RUNX1: variants seen among roughly 807,000 people sequenced by gnomAD.
RUNX1 encodes RUNX family transcription factor 1, also known as runt-related transcription factor 1.
RUNX1 carries 19 observed loss-of-function variants against 42.8 expected under a neutral mutation model. The observed-to-expected ratio is 0.44, with a 90% CI of 0.31 to 0.65. The LOEUF is 0.65. Ranked by LOEUF, RUNX1 falls within the 30% of genes least tolerant of loss-of-function variation. The probability of loss-of-function intolerance (pLI) is 0.07; values close to 1 mark genes in which losing one functional copy is unlikely to be tolerated. For synonymous variants in RUNX1, 271 were observed against 289.4 expected (o/e 0.94, Z 0.64); for missense variants, 528 against 672.0 (o/e 0.79, Z 2.37).
intron 2 of RUNX1, among the ~76,000 whole-genome samples, chr21:34,941,439 A>G (rs2058525867): frequency 1.3e-5 from 2 of 152,190 alleles, no homozygotes; most frequent in Non-Finnish European, 1.5e-5. Context: ...GCCCAATTCA[A>G]CACATCCTGA....
intron 6 of RUNX1, 127 bp downstream of exon 6, chr21:34,859,347 A>C (rs1351385712): frequency 1.3e-6 from 1 of 797,534 alleles, no homozygotes; most frequent in Non-Finnish European, 2.2e-6. Context: ...TTTTGGCTTT[A>C]CGGGGGCCTG....
chr21:34,838,118 T>A (rs1472970193), intron 6 of RUNX1, among the ~76,000 whole-genome samples: 2 of 152,212 alleles, frequency 1.3e-5, no homozygotes, highest in Non-Finnish European at 2.9e-5. Flanking sequence ...TGACGGATAG[T>A]GAGACCAGCT....
At chr21:34,986,590 A>G (rs1273512213) in intron 2 of RUNX1, among the ~76,000 whole-genome samples, 1 of 149,510 alleles carries the variant, frequency 6.7e-6, no homozygotes, top group Non-Finnish European at 1.5e-5. Context: ...GCTAAATTCA[A>G]TGATCAGCAT....
chr21:34,942,110 T>C (rs1255772173), intron 2 of RUNX1, among the ~76,000 whole-genome samples: 1 of 152,106 alleles, frequency 6.6e-6, no homozygotes, highest in Non-Finnish European at 1.5e-5. Context: ...ATACCAGAGA[T>C]TTTATGGTAA....
chr21:34,856,890 T>A (rs1053605827), intron 6 of RUNX1, among the ~76,000 whole-genome samples: 2 of 152,188 alleles, frequency 1.3e-5, no homozygotes, highest in Non-Finnish European at 2.9e-5. Flanking sequence ...TCTCTTTATG[T>A]TACACTGGAA....
At chr21:34,917,739 A>G (rs970422996) in intron 2 of RUNX1, among the ~76,000 whole-genome samples, 1 of 152,212 alleles carries the variant, frequency 6.6e-6, no homozygotes, top group African/African-American at 2.4e-5. Context: ...TCAGTATGAA[A>G]GGCAAGTCAA....
intron 8 of RUNX1, among the ~76,000 whole-genome samples, chr21:34,798,592 A>G (rs555381124): frequency 1.7e-4 from 26 of 152,288 alleles, no homozygotes; most frequent in African/African-American, 6.0e-4. Context: ...AACCAACTGT[A>G]GATCAAAAAT....
At chr21:34,828,791 C>T (rs1309740998) in intron 7 of RUNX1, among the ~76,000 whole-genome samples, 1 of 152,188 alleles carries the variant, frequency 6.6e-6, no homozygotes, top group Non-Finnish European at 1.5e-5. Flanking sequence ...TCTGCCCTTC[C>T]ACCTATCTGC....
At chr21:34,857,644 C>T (rs2248383) in intron 6 of RUNX1, among the ~76,000 whole-genome samples, 127,075 of 152,214 alleles carry the variant, frequency 0.83, 53,187 homozygotes, top group East Asian at 0.95. Context: ...TAAGTTTAGT[C>T]ACCCTCAAAG....
intron 2 of RUNX1, among the ~76,000 whole-genome samples, chr21:34,914,753 G>T (rs148277488): frequency 7.5e-4 from 114 of 152,342 alleles, no homozygotes; most frequent in Admixed American, 1.2e-3. Flanking sequence ...GCATTGGGAA[G>T]CCTGTGTGGC....
intron 2 of RUNX1, among the ~76,000 whole-genome samples, chr21:34,930,691 C>CCA (rs1276335401): frequency 6.7e-5 from 9 of 135,080 alleles, no homozygotes; most frequent in African/African-American, 1.1e-4. Context: ...GGCTACACTG[C>CCA]CACACACACA....
intron 2 of RUNX1, among the ~76,000 whole-genome samples, chr21:34,927,436 ATGC>A (rs139033759): frequency 0.014 from 2,103 of 152,290 alleles, 46 homozygotes; most frequent in African/African-American, 0.048. Flanking sequence ...CCCAGACATT[ATGC>A]TTTGTCTTGG....
chr21:34,921,057 C>T (rs555902440), intron 2 of RUNX1, among the ~76,000 whole-genome samples: 1 of 152,238 alleles, frequency 6.6e-6, no homozygotes, highest in African/African-American at 2.4e-5. Flanking sequence ...CGGGGTTTCA[C>T]CATGTTGGCC....
intron 5 of RUNX1, among the ~76,000 whole-genome samples, chr21:34,880,322 A>G (rs918852778): frequency 6.6e-6 from 1 of 152,204 alleles, no homozygotes; most frequent in South Asian, 2.1e-4. Flanking sequence ...CACAATTCCT[A>G]CGTTGCATGT....
intron 7 of RUNX1, among the ~76,000 whole-genome samples, chr21:34,811,089 G>A (rs1047634080): frequency 5.3e-5 from 8 of 152,222 alleles, no homozygotes; most frequent in African/African-American, 1.7e-4. Flanking sequence ...CCACAACACA[G>A]ATTCTGAAAG....
At chr21:35,026,468 T>C (rs1222925298) in intron 2 of RUNX1, among the ~76,000 whole-genome samples, 1 of 152,258 alleles carries the variant, frequency 6.6e-6, no homozygotes, top group Non-Finnish European at 1.5e-5. Context: ...TCCCTTTTCA[T>C]TTTGGCATTA....
chr21:34,864,031 G>A (rs148600427), intron 5 of RUNX1, among the ~76,000 whole-genome samples: 41 of 152,276 alleles, frequency 2.7e-4, no homozygotes, highest in Non-Finnish European at 5.3e-4. Flanking sequence ...TGCCTTACAC[G>A]TCCTTTGTAT....
At chr21:34,888,552 A>G (rs1397019352) in intron 3 of RUNX1, 1 of 1,063,660 alleles carries the variant, frequency 9.4e-7, no homozygotes, top group Non-Finnish European at 1.1e-6. Flanking sequence ...GCCAAGGAGA[A>G]GCAGCAGAGG....
intron 7 of RUNX1, among the ~76,000 whole-genome samples, chr21:34,828,082 C>A (rs1467646287): frequency 6.6e-6 from 1 of 152,224 alleles, no homozygotes. Flanking sequence ...GCTGCAGACA[C>A]AAGACTTCAA....
Sources: gnomAD v4.1 joint callset for allele counts (sites outside exome capture counted in the v4.1 genomes callset) on GRCh38, gnomAD v4.1.1 for gene constraint, MANE v1.5 for transcripts, NCBI Gene and HGNC (gene_info 2026-07-23, HGNC 2026-07-21) for gene names.